EPHA7: variants seen among roughly 807,000 people sequenced by gnomAD.
EPHA7 encodes ephrin type-A receptor 7.
Under a neutral mutation model 112.6 loss-of-function variants are expected in EPHA7, and 25 were observed. The ratio of observed to expected loss-of-function variants is 0.22; its 90% CI spans 0.16 to 0.31. The LOEUF (loss-of-function observed/expected upper bound fraction) is 0.31. Ranked by LOEUF, EPHA7 falls within the 10% of genes least tolerant of loss-of-function variation. The pLI, the probability that EPHA7 is intolerant of heterozygous loss-of-function variation, is 1.00. For synonymous variants in EPHA7, 437 were observed against 406.5 expected (o/e 1.07, Z -0.90); for missense variants, 962 against 1,212.6 (o/e 0.79, Z 3.07).
At chr6:93,310,661 C>CA (rs777397436) in intron 5 of EPHA7, among the ~76,000 whole-genome samples, 3,930 of 99,670 alleles carry the variant, frequency 0.039, 63 homozygotes, top group African/African-American at 0.061. Context: ...GACTCCGTCT[C>CA]AAAAAAAAAA....
intron 9 of EPHA7, among the ~76,000 whole-genome samples, chr6:93,262,093 G>A (rs547251179): frequency 6.6e-6 from 1 of 151,536 alleles, no homozygotes; most frequent in East Asian, 1.9e-4. Flanking sequence ...CAGGACCAGG[G>A]ATTTCAGGAA....
intron 5 of EPHA7, among the ~76,000 whole-genome samples, chr6:93,336,177 A>G (rs937143141): frequency 1.3e-5 from 2 of 152,202 alleles, no homozygotes; most frequent in African/African-American, 4.8e-5. Context: ...GAAAAATAAT[A>G]TATAATCATC....
chr6:93,342,234 A>G (rs1775173253), intron 5 of EPHA7, among the ~76,000 whole-genome samples: 1 of 151,886 alleles, frequency 6.6e-6, no homozygotes, highest in African/African-American at 2.4e-5. Context: ...CCTCTTTTTA[A>G]AACTCTGTAA....
intron 3 of EPHA7, among the ~76,000 whole-genome samples, chr6:93,381,653 AACAAATAAACTG>A (rs1346725883): frequency 6.6e-6 from 1 of 152,184 alleles, no homozygotes; most frequent in African/African-American, 2.4e-5. Flanking sequence ...TGGTTGTTGG[AACAAATAAACTG>A]ACAAGTTAGG....
intron 5 of EPHA7, among the ~76,000 whole-genome samples, chr6:93,287,333 T>G (rs1772118053): frequency 6.6e-6 from 1 of 152,288 alleles, no homozygotes; most frequent in East Asian, 1.9e-4. Flanking sequence ...TGTTTCAACC[T>G]TCTTTAGTCT....
rs1769663865 is a variant in EPHA7 at position 93,240,937 on chromosome 6, A to C, written c.*2489T>G. 4.7e-6 allele frequency: 1 copy of C among 212,676 alleles called. No homozygotes were observed. Among genetic ancestry groups the C allele is most frequent in the Non-Finnish European group, 9.5e-6 (1 of 104,914 alleles). 13.2% of individuals were successfully genotyped at this position (212,676 alleles called of 1,614,324 possible). ...AAACTTACAAACGAGATAGTGATGT[A>C]ATCATACACTTCCTATTGTGCTGTG... On this transcript the variant is annotated 3_prime_UTR_variant, in exon 17 of 17. Transcript: ENST00000369303.
At chr6:93,267,446 T>C (rs1771000473) in intron 7 of EPHA7, among the ~76,000 whole-genome samples, 1 of 151,728 alleles carries the variant, frequency 6.6e-6, no homozygotes, top group Non-Finnish European at 1.5e-5. Context: ...TCTCTACTGA[T>C]ACTGATTGAT....
intron 3 of EPHA7, among the ~76,000 whole-genome samples, chr6:93,378,963 G>A (rs1777197837): frequency 6.6e-6 from 1 of 152,020 alleles, no homozygotes; most frequent in Non-Finnish European, 1.5e-5. Context: ...TTTCATAAAT[G>A]TATACATTTT....
intron 3 of EPHA7, among the ~76,000 whole-genome samples, chr6:93,364,238 T>A (rs1303204285): frequency 1.3e-5 from 2 of 152,044 alleles, no homozygotes; most frequent in Non-Finnish European, 2.9e-5. Context: ...ATAAAATCCA[T>A]CAGGGCCGGG....
At chr6:93,350,786 G>A (rs1318383133) in intron 5 of EPHA7, among the ~76,000 whole-genome samples, 1 of 151,744 alleles carries the variant, frequency 6.6e-6, no homozygotes, top group African/African-American at 2.4e-5. Context: ...TATGTGAAAT[G>A]TACTGCGGAA....
intron 2 of EPHA7, among the ~76,000 whole-genome samples, chr6:93,412,442 A>T (rs768773356): frequency 2.0e-5 from 3 of 152,134 alleles, no homozygotes; most frequent in Non-Finnish European, 2.9e-5. Context: ...TAGCAATATA[A>T]TACAATTCAG....
rs1582673576 is a variant in EPHA7, at chr6:93,401,866, A to C, written c.832+8635T>G. On this transcript the variant is annotated intron_variant, in intron 3 of 16. Transcript: ENST00000369303. ...TGTGTCAAAATTCTCCCATGAAAAT[A>C]TTATTTCTATAAAATAACTAATGAT... Among the ~76,000 whole-genome samples, 3 of 152,158 alleles carry C rather than the reference A, an allele frequency of 2.0e-5. No individual in the cohort carries two copies. In the East Asian group the frequency reaches 5.8e-4, roughly 29 times the overall value.
At chr6:93,319,829 C>A (rs185206271) in intron 5 of EPHA7, among the ~76,000 whole-genome samples, 2 of 152,166 alleles carry the variant, frequency 1.3e-5, no homozygotes, top group Non-Finnish European at 2.9e-5. Flanking sequence ...TACATATATT[C>A]ATAATCAAAT....
chr6:93,306,380 A>G (rs1207706298), intron 5 of EPHA7, among the ~76,000 whole-genome samples: 2 of 152,048 alleles, frequency 1.3e-5, no homozygotes. Flanking sequence ...AAAGTACTAA[A>G]AAGTTTTAGG....
intron 3 of EPHA7, among the ~76,000 whole-genome samples, chr6:93,373,899 G>A (rs1162558615): frequency 6.6e-6 from 1 of 151,498 alleles, no homozygotes; most frequent in East Asian, 1.9e-4. Flanking sequence ...AGTACATAAA[G>A]GAATAAAGGC....
At chr6:93,379,176 C>T (rs1489066034) in intron 3 of EPHA7, among the ~76,000 whole-genome samples, 1 of 151,954 alleles carries the variant, frequency 6.6e-6, no homozygotes, top group African/African-American at 2.4e-5. Flanking sequence ...ATGTAATGAA[C>T]TATAAAAATC....
intron 5 of EPHA7, among the ~76,000 whole-genome samples, chr6:93,346,675 T>C (rs573571034): frequency 6.6e-6 from 1 of 151,910 alleles, no homozygotes; most frequent in African/African-American, 2.4e-5. Flanking sequence ...TGTGCATATT[T>C]TATTTAAGTT....
intron 9 of EPHA7, chr6:93,260,612 T>C: frequency 1.0e-6 from 1 of 969,120 alleles, no homozygotes; most frequent in Non-Finnish European, 1.2e-6. Context: ...ATTAAAACTA[T>C]ATTTTAAAAG....
chr6:93,330,526 TGTA>T (rs1437012317), intron 5 of EPHA7, among the ~76,000 whole-genome samples: 1 of 151,232 alleles, frequency 6.6e-6, no homozygotes, highest in Non-Finnish European at 1.5e-5. Flanking sequence ...AGTGAGAACA[TGTA>T]GTAGTATTTG....
Sources: gnomAD v4.1 joint callset for allele counts (sites outside exome capture counted in the v4.1 genomes callset) on GRCh38, gnomAD v4.1.1 for gene constraint, MANE v1.5 for transcripts, NCBI Gene and HGNC (gene_info 2026-07-23, HGNC 2026-07-21) for gene names.